Variants in HAAO observed in about 807,000 individuals in gnomAD.
HAAO encodes 3-hydroxyanthranilate oxygenase.
A neutral mutation model predicts 46.2 loss-of-function variants in HAAO; 49 were observed. The observed-to-expected ratio is 1.06, with a 90% CI of 0.84 to 1.34. The LOEUF (loss-of-function observed/expected upper bound fraction) is 1.34, where lower values mean the gene tolerates loss of function less well. Ranked by LOEUF, HAAO falls within the 40% of genes most tolerant of loss-of-function variation. The probability of loss-of-function intolerance (pLI) is 0.00; values close to 1 mark genes in which losing one functional copy is unlikely to be tolerated. For missense variants in HAAO, 408 were observed against 364.5 expected (o/e 1.12, Z -0.97); for synonymous variants, 157 against 145.2 (o/e 1.08, Z -0.58).
rs369343384 is a variant in HAAO at position 42,767,947 on chromosome 2, G to C, written c.631-19C>G. 131 of 1,609,978 alleles carry C rather than the reference G, an allele frequency of 8.1e-5. No homozygotes were observed. The highest frequency in any genetic ancestry group is 1.0e-4 in the Non-Finnish European group (121 of 1,176,626). ...CGATCACCTGGTGGGAGGTGAAACA[G>C]AAACTTCTGGTGCTTCTTGCCCCAC... On this transcript the variant is annotated intron_variant, in intron 7 of 9. Transcript: ENST00000294973.
At chr2:42,786,495 C>G (rs1452067621) in intron 2 of HAAO, among the ~76,000 whole-genome samples, 1 of 152,188 alleles carries the variant, frequency 6.6e-6, no homozygotes, top group Non-Finnish European at 1.5e-5. Context: ...CAATGCATAT[C>G]AAGCACCAAC....
At chr2:42,770,120 A>T in intron 6 of HAAO, 23 bp downstream of exon 6, 2 of 1,599,646 alleles carry the variant, frequency 1.3e-6, no homozygotes, top group African/African-American at 1.3e-5. Flanking sequence ...GGGAAGGAGA[A>T]GGGCAGTTCC....
chr2:42,777,700 C>A (rs941322128), intron 4 of HAAO, among the ~76,000 whole-genome samples: 1 of 151,884 alleles, frequency 6.6e-6, no homozygotes, highest in Non-Finnish European at 1.5e-5. Context: ...AGGATAAATA[C>A]TTGTAGACAA....
chr2:42,770,329 C>G (rs1671012423), intron 5 of HAAO, 143 bp from the exon 6 acceptor site: 4 of 870,526 alleles, frequency 4.6e-6, no homozygotes, highest in Non-Finnish European at 7.3e-6. Flanking sequence ...TGTCTGCCAT[C>G]CTTTCCCTCC....
At chr2:42,769,451 A>G (rs1670910841) in intron 7 of HAAO, among the ~76,000 whole-genome samples, 1 of 152,210 alleles carries the variant, frequency 6.6e-6, no homozygotes, top group African/African-American at 2.4e-5. Context: ...AAGTGAATTC[A>G]GATCATAAAA....
chr2:42,776,187 C>A (rs1671560979), intron 4 of HAAO, among the ~76,000 whole-genome samples: 1 of 149,270 alleles, frequency 6.7e-6, no homozygotes, highest in South Asian at 2.1e-4. Context: ...CTTATACAAT[C>A]CTGTGATAGA....
At chr2:42,780,591 T>G (rs62145495) in intron 4 of HAAO, among the ~76,000 whole-genome samples, 57,252 of 151,734 alleles carry the variant, frequency 0.38, 11,919 homozygotes, top group African/African-American at 0.53. Context: ...AGGACTCTCA[T>G]GGAGAGCTGA....
At chr2:42,769,674 C>A in intron 7 of HAAO, 39 bp downstream of exon 7, 1 of 1,565,404 alleles carries the variant, frequency 6.4e-7, no homozygotes, top group Non-Finnish European at 8.7e-7. Context: ...TCCAGGGCTG[C>A]TGTGGGAGGA....
intron 8 of HAAO, 48 bp from the exon 9 acceptor site, chr2:42,767,725 C>T: frequency 6.4e-7 from 1 of 1,550,712 alleles, no homozygotes; most frequent in Admixed American, 1.7e-5. Context: ...TGGGCCTCAT[C>T]ACCTGGGTGA....
At chr2:42,788,999 GCCACTCACCCAT>G (rs1672594686) in intron 1 of HAAO, 1 of 264,690 alleles carries the variant, frequency 3.8e-6, no homozygotes, top group Non-Finnish European at 7.5e-6. Flanking sequence ...ACCTTGACCT[GCCACTCACCCAT>G]GCTGTCTGAC....
chr2:42,773,669 C>G (rs1671324721), intron 4 of HAAO, among the ~76,000 whole-genome samples: 1 of 150,722 alleles, frequency 6.6e-6, no homozygotes, highest in South Asian at 2.1e-4. Context: ...TCACTGCAAG[C>G]TCTGTCTCCT....
At chr2:42,790,827 C>G (rs1205686499) in intron 1 of HAAO, among the ~76,000 whole-genome samples, 3 of 152,254 alleles carry the variant, frequency 2.0e-5, no homozygotes, top group South Asian at 4.1e-4. Context: ...CCACTGCGCC[C>G]GGCTTGAAAG....
chr2:42,774,475 G>A (rs1194400167), intron 4 of HAAO, among the ~76,000 whole-genome samples: 1 of 152,160 alleles, frequency 6.6e-6, no homozygotes, highest in African/African-American at 2.4e-5. Context: ...TTATTTTGCT[G>A]TACAACTCCC....
At chr2:42,778,804 G>C (rs575129508) in intron 4 of HAAO, among the ~76,000 whole-genome samples, 45 of 152,182 alleles carry the variant, frequency 3.0e-4, no homozygotes, top group Admixed American at 6.5e-4. Flanking sequence ...GACCAATTTT[G>C]AGAGATAAAA....
At position 42,769,820 on chromosome 2, in the gene HAAO, G is replaced by A. The variant is rs201390678; in HGVS notation, c.523C>T (p.Arg175Ter). The A allele has an allele frequency of 1.3e-5, 21 of 1,613,578 alleles. No individual in the cohort carries two copies. Among genetic ancestry groups the A allele is most frequent in the African/African-American group, 4.0e-5 (3 of 74,912 alleles). Residue 175 changes from arginine (R) to a stop codon, truncating the protein, a stop_gained, in exon 7 of 10, where the codon CGA becomes TGA. Coordinates refer to ENST00000294973, the MANE Select transcript of HAAO (RefSeq NM_012205.3). LOFTEE classifies it high-confidence loss of function. Reference sequence around the variant, plus strand: ...AGGGACATGGGCTCCATGATGGATCGTGTGCTCAGAGGGAATGGTGGCTCC... The same window carrying A: ...AGGGACATGGGCTCCATGATGGATCATGTGCTCAGAGGGAATGGTGGCTCC... ...LKEPPFPLST[R>*]SIMEPMSLDA...
At chr2:42,780,911 CA>C (rs35424652) in intron 4 of HAAO, among the ~76,000 whole-genome samples, 56,749 of 130,198 alleles carry the variant, frequency 0.44, 12,192 homozygotes, top group East Asian at 0.75. Flanking sequence ...ACTAAAAATA[CA>C]AAAAAAAAAA....
intron 6 of HAAO, 97 bp downstream of exon 6, chr2:42,770,046 G>A (rs1212692112): frequency 1.2e-5 from 15 of 1,212,372 alleles, no homozygotes; most frequent in Non-Finnish European, 1.8e-5. Flanking sequence ...ACTGGGCAGA[G>A]TATTCAAAAA....
rs1672556608 is a variant in HAAO at position 42,788,524 on chromosome 2, C to G, written c.159+5G>C. On this transcript the variant is annotated splice_donor_5th_base_variant and intron_variant, in intron 2 of 9. Coordinates refer to ENST00000294973, the MANE Select transcript of HAAO (RefSeq NM_012205.3). ...CCTAGATCCAGGGAGACCAGTCAAA[C>G]CTACCTCTTCACCCTCTTCGATGTG... 1 of 1,588,898 alleles carries G rather than the reference C, an allele frequency of 6.3e-7. No individual in the cohort carries two copies. The highest frequency in any genetic ancestry group is 8.6e-7 in the Non-Finnish European group (1 of 1,157,476).
intron 4 of HAAO, among the ~76,000 whole-genome samples, chr2:42,775,015 G>A (rs1671435456): frequency 6.6e-6 from 1 of 152,246 alleles, no homozygotes. Flanking sequence ...TTGGGAGGCC[G>A]AGGTGGGCAG....
Sources: gnomAD v4.1 joint callset for allele counts (sites outside exome capture counted in the v4.1 genomes callset) on GRCh38, gnomAD v4.1.1 for gene constraint, MANE v1.5 for transcripts, NCBI Gene and HGNC (gene_info 2026-07-23, HGNC 2026-07-21) for gene names.